Variants in USP22 observed in about 807,000 individuals in gnomAD.
USP22 encodes the protein ubiquitin specific peptidase 22.
A neutral mutation model predicts 68.1 loss-of-function variants in USP22; 22 were observed. That is an observed-to-expected ratio of 0.32 (90% CI 0.23 to 0.46). USP22 has a LOEUF of 0.46. Among genes scored for constraint, USP22 ranks in the 20% least tolerant of loss-of-function variants. The pLI is 1.00. For missense variants in USP22, 433 were observed against 695.8 expected (o/e 0.62, Z 4.25); for synonymous variants, 279 against 274.2 (o/e 1.02, Z -0.17).
intron 1 of USP22, among the ~76,000 whole-genome samples, chr17:21,032,381 G>T (rs1016519420): frequency 6.6e-6 from 1 of 152,226 alleles, no homozygotes; most frequent in African/African-American, 2.4e-5. Flanking sequence ...CACGTCCATT[G>T]ATAATACTGT....
chr17:21,032,352 A>G (rs1284564859), intron 1 of USP22, among the ~76,000 whole-genome samples: 1 of 148,210 alleles, frequency 6.7e-6, no homozygotes, highest in African/African-American at 2.5e-5. Flanking sequence ...ATTTTTCCCC[A>G]ATCTACACTG....
intron 5 of USP22, among the ~76,000 whole-genome samples, 179 bp downstream of exon 5, chr17:21,017,763 G>A (rs1972106383): frequency 6.6e-6 from 1 of 152,198 alleles, no homozygotes; most frequent in African/African-American, 2.4e-5. Flanking sequence ...CAAAAATCAC[G>A]CCAGGTCTTC....
intron 8 of USP22, among the ~76,000 whole-genome samples, chr17:21,008,414 T>C (rs1219218070): frequency 1.3e-5 from 2 of 152,062 alleles, no homozygotes; most frequent in Non-Finnish European, 2.9e-5. Flanking sequence ...CACTGTACCA[T>C]GGAGTATGAG....
rs1257614902 is a variant in USP22 at position 21,018,382 on chromosome 17, G to A, written c.521-271C>T. ...ATATAGTTTCTACGACAACAGGCCA[G>A]GTCAGAGTGAAGCCTAATGAACAAA... On this transcript the variant is annotated intron_variant, in intron 4 of 12. Transcript: ENST00000261497. 3.5e-5 allele frequency: 11 copies of A among 316,016 alleles called. No individual in the cohort carries two copies. In the East Asian group the frequency reaches 6.8e-4, roughly 19 times the overall value. 19.6% of individuals were successfully genotyped at this position (316,016 alleles called of 1,614,324 possible). A position where few individuals can be genotyped will look rare whatever the true frequency, so the allele number is the denominator to read the frequency against.
At chr17:21,005,085 A>T (rs1597687024) in intron 10 of USP22, 95 bp from the exon 11 acceptor site, 2 of 1,385,416 alleles carry the variant, frequency 1.4e-6, no homozygotes, top group Non-Finnish European at 2.0e-6. Flanking sequence ...AAGCTTGACC[A>T]TGCAGATGCT....
intron 1 of USP22, among the ~76,000 whole-genome samples, chr17:21,031,659 AC>A: frequency 1.4e-5 from 2 of 142,230 alleles, no homozygotes; most frequent in Non-Finnish European, 3.1e-5. Flanking sequence ...ACAACCTAGG[AC>A]TGTGCTACAC....
chr17:21,027,263 G>GGACTCCA (rs1310209371), intron 2 of USP22, among the ~76,000 whole-genome samples: 1 of 113,176 alleles, frequency 8.8e-6, no homozygotes, highest in Non-Finnish European at 1.8e-5. Context: ...ACTCCAGCCT[G>GGACTCCA]GACTCCAGAC....
chr17:21,021,495 G>T (rs955308016), intron 2 of USP22, among the ~76,000 whole-genome samples: 3 of 152,168 alleles, frequency 2.0e-5, no homozygotes, highest in African/African-American at 7.2e-5. Flanking sequence ...CAATACTCCA[G>T]GATCAGGACC....
At chr17:21,004,126 T>C (rs1015378711) in intron 12 of USP22, 76 bp downstream of exon 12, 8 of 1,555,372 alleles carry the variant, frequency 5.1e-6, no homozygotes, top group Non-Finnish European at 7.0e-6. Flanking sequence ...GGCTCAGACA[T>C]GGGCTAGTCT....
intron 1 of USP22, among the ~76,000 whole-genome samples, chr17:21,037,823 T>C (rs769522019): frequency 3.9e-5 from 6 of 152,252 alleles, no homozygotes; most frequent in African/African-American, 9.6e-5. Flanking sequence ...GTGGATTATA[T>C]TGAAGATAGA....
chr17:21,021,031 TTC>T (rs1972150610), intron 3 of USP22, 80 bp downstream of exon 3: 2 of 1,163,648 alleles, frequency 1.7e-6, no homozygotes, highest in African/African-American at 1.5e-5. Context: ...ACCTAGGTAC[TTC>T]TCTTTCTCCT....
chr17:21,040,823 A>C (rs1164792025), intron 1 of USP22, among the ~76,000 whole-genome samples: 3 of 151,660 alleles, frequency 2.0e-5, no homozygotes, highest in Non-Finnish European at 4.4e-5. Flanking sequence ...CCCAATCCGG[A>C]CACTACTGAC....
At chr17:21,022,537 C>T (rs1166177786) in intron 2 of USP22, among the ~76,000 whole-genome samples, 3 of 152,152 alleles carry the variant, frequency 2.0e-5, no homozygotes, top group African/African-American at 7.2e-5. Context: ...TGGTGGTTCA[C>T]GCCTGTAATC....
chr17:21,035,753 G>C (rs1414676727), intron 1 of USP22, among the ~76,000 whole-genome samples: 1 of 152,118 alleles, frequency 6.6e-6, no homozygotes, highest in African/African-American at 2.4e-5. Context: ...ACTTTCGGCT[G>C]GGCGCGGTGG....
chr17:21,030,488 A>T (rs1394498249), intron 1 of USP22, among the ~76,000 whole-genome samples: 1 of 152,336 alleles, frequency 6.6e-6, no homozygotes, highest in East Asian at 1.9e-4. Context: ...TACTTCAGTC[A>T]ATTAAACGGG....
rs571929762 is a variant in USP22, at chr17:21,002,391, T to A, written c.*640A>T. On this transcript the variant is annotated 3_prime_UTR_variant, in exon 13 of 13. Coordinates refer to ENST00000261497, the MANE Select transcript of USP22 (RefSeq NM_015276.2). Reference sequence around the variant, plus strand: ...AAGGAGCGGGAGAGGGATAAGAAAATGCCTGTTTCTAGAAAACCGCGAGAT... The same window carrying A: ...AAGGAGCGGGAGAGGGATAAGAAAAAGCCTGTTTCTAGAAAACCGCGAGAT... The A allele has an allele frequency of 6.6e-6, 1 of 152,436 alleles. No individual in the cohort carries two copies. Among genetic ancestry groups the A allele is most frequent in the South Asian group, 2.1e-4 (1 of 4,836 alleles). The allele number at this position is 152,436 out of a possible 1,614,324, so 9.4% of individuals were successfully genotyped here. A position where few individuals can be genotyped will look rare whatever the true frequency, so the allele number is the denominator to read the frequency against.
chr17:21,028,750 C>T, intron 1 of USP22, 76 bp from the exon 2 acceptor site: 1 of 1,530,840 alleles, frequency 6.5e-7, no homozygotes, highest in Non-Finnish European at 8.8e-7. Context: ...TCAAGCAAAG[C>T]ATCCCCCCGA....
At chr17:21,011,405 C>T in intron 7 of USP22, 96 bp from the exon 8 acceptor site, 1 of 1,461,496 alleles carries the variant, frequency 6.8e-7, no homozygotes. Context: ...CCCTTCCCCG[C>T]TGTGCCCTTT....
chr17:21,008,094 C>G (rs1913834509), intron 8 of USP22, 98 bp from the exon 9 acceptor site: 1 of 1,413,450 alleles, frequency 7.1e-7, no homozygotes, highest in East Asian at 2.4e-5. Context: ...GGGTTGATTT[C>G]CCTACCAAAA....
Sources: allele counts gnomAD v4.1 joint callset (sites outside exome capture counted in the v4.1 genomes callset), GRCh38; gene constraint gnomAD v4.1.1; transcripts MANE v1.5; gene names NCBI Gene and HGNC (gene_info 2026-07-23, HGNC 2026-07-21).